FAM219A: variants seen among roughly 807,000 people sequenced by gnomAD.
FAM219A encodes protein FAM219A.
FAM219A carries 7 observed loss-of-function variants against 23.4 expected under a neutral mutation model. The ratio of observed to expected loss-of-function variants is 0.30; its 90% CI spans 0.17 to 0.56. The LOEUF is 0.56. Ranked by LOEUF, FAM219A falls within the 20% of genes least tolerant of loss-of-function variation. The pLI, the probability that FAM219A is intolerant of heterozygous loss-of-function variation, is 0.92. For missense variants in FAM219A, 166 were observed against 246.9 expected (o/e 0.67, Z 2.20); for synonymous variants, 93 against 99.0 (o/e 0.94, Z 0.36).
At chr9:34,401,149 GC>G in intron 5 of FAM219A, 27 bp from the exon 6 acceptor site, 1 of 1,609,354 alleles carries the variant, frequency 6.2e-7, no homozygotes, top group Non-Finnish European at 8.5e-7. Context: ...GGGAGGTCAG[GC>G]CCGAGCGGCA....
intron 1 of FAM219A, among the ~76,000 whole-genome samples, chr9:34,448,376 C>T (rs77182124): frequency 1.2e-4 from 18 of 152,318 alleles, no homozygotes; most frequent in African/African-American, 4.1e-4. Context: ...CATGGAAAAT[C>T]AACCAAACCA....
chr9:34,445,192 C>A (rs2132009552), intron 1 of FAM219A, among the ~76,000 whole-genome samples: 1 of 152,234 alleles, frequency 6.6e-6, no homozygotes, highest in South Asian at 2.1e-4. Context: ...TCTTACTCAT[C>A]TTTAAAGGAG....
In FAM219A at chr9:34,417,065, C is replaced by A. The variant is rs1329661422; in HGVS notation, c.61-11101G>T. On this transcript the variant is annotated intron_variant, in intron 1 of 5. Transcript: ENST00000651358. This position sits in a 1 kb window ranked among gnomAD's most constrained non-coding sequence, Gnocchi z 4.1. ...TCTTCCCCTTCCCTTTCCCCTTCCC[C>A]TTCTCCTTCTTCTTCTTTTTGGAGT... Among the ~76,000 whole-genome samples the A allele has an allele frequency of 1.4e-5, 2 of 147,598 alleles. No homozygotes were observed. Among genetic ancestry groups the A allele is most frequent in the African/African-American group, 4.9e-5 (2 of 40,976 alleles).
chr9:34,437,977 G>T (rs921657906), intron 1 of FAM219A, among the ~76,000 whole-genome samples: 2 of 152,236 alleles, frequency 1.3e-5, no homozygotes, highest in Non-Finnish European at 2.9e-5. Context: ...GGGCCACCTG[G>T]AGTTCCGAGT....
chr9:34,402,866 A>G, intron 2 of FAM219A, 59 bp from the exon 3 acceptor site: 1 of 1,523,842 alleles, frequency 6.6e-7, no homozygotes. Context: ...CTGTCTTACT[A>G]CTCAGGGCAG....
chr9:34,433,256 A>C (rs1822780911), intron 1 of FAM219A, among the ~76,000 whole-genome samples: 2 of 152,214 alleles, frequency 1.3e-5, no homozygotes, highest in South Asian at 4.1e-4. Flanking sequence ...GAACACTTTC[A>C]GGTTGGCTCC....
intron 2 of FAM219A, among the ~76,000 whole-genome samples, chr9:34,404,542 T>C (rs900460495): frequency 1.3e-5 from 2 of 152,130 alleles, no homozygotes; most frequent in Non-Finnish European, 2.9e-5. Context: ...AGCCTATCTT[T>C]ACTAAAAATA....
intron 1 of FAM219A, among the ~76,000 whole-genome samples, chr9:34,450,001 G>C: frequency 6.6e-6 from 1 of 152,152 alleles, no homozygotes; most frequent in East Asian, 1.9e-4. Context: ...CCTTCATAAG[G>C]ATAAAATGGG....
In FAM219A at chr9:34,400,899, C is replaced by T. The variant is rs1301028376; in HGVS notation, c.*65G>A. 14 of 1,432,262 alleles carry T rather than the reference C, an allele frequency of 9.8e-6. No individual in the cohort carries two copies. In the East Asian group the frequency reaches 1.1e-4, roughly 11 times the overall value. The allele number at this position is 1,432,262 out of a possible 1,614,324, so 88.7% of individuals were successfully genotyped here. On this transcript the variant is annotated 3_prime_UTR_variant, in exon 6 of 6. Transcript: ENST00000651358. ...GCAGGCAGACGAGCTGGGAAGGGGT[C>T]GGCCTCTGCCCGTCCTACCCGGCCC...
chr9:34,425,230 A>T (rs72735204), intron 1 of FAM219A, among the ~76,000 whole-genome samples: 24,824 of 152,128 alleles, frequency 0.16, 2,160 homozygotes, highest in African/African-American at 0.22. Context: ...CCTGTAATCC[A>T]GCACTTTGGG....
chr9:34,399,672 G>A lies in FAM219A; in HGVS notation c.*1292C>T, dbSNP rs1398082178. 6.6e-6 allele frequency: 1 copy of A among 152,112 alleles called. No individual in the cohort carries two copies. 9.4% of individuals were successfully genotyped at this position (152,112 alleles called of 1,614,324 possible). A position where few individuals can be genotyped will look rare whatever the true frequency, so the allele number is the denominator to read the frequency against. On this transcript the variant is annotated 3_prime_UTR_variant, in exon 6 of 6. Coordinates refer to ENST00000651358, the MANE Select transcript of FAM219A (RefSeq NM_001184940.2). ...AAATTTCTATGAAGAAACTCTTTCA[G>A]GTATAAAAGGATCTTCAACATAATT... is the stretch of plus-strand genomic sequence containing the variant.
chr9:34,436,564 A>C (rs1022888456), intron 1 of FAM219A, among the ~76,000 whole-genome samples: 12 of 152,224 alleles, frequency 7.9e-5, no homozygotes, highest in African/African-American at 2.9e-4. Flanking sequence ...TTTCTTATTA[A>C]AGAAAGTCTT....
chr9:34,457,646 C>T lies in FAM219A; in HGVS notation c.60+558G>A, dbSNP rs1237642169. On this transcript the variant is annotated intron_variant, in intron 1 of 5. Transcript: ENST00000651358. This position sits in a 1 kb window ranked among gnomAD's most constrained non-coding sequence, Gnocchi z 5.1. ...AGCCTGGTCTGCCTGCGCTCCCCACCGGAGAACGGAATTCCCAGGTTCTGC... is the reference window on the plus strand; with the variant it reads ...AGCCTGGTCTGCCTGCGCTCCCCACTGGAGAACGGAATTCCCAGGTTCTGC... Among the ~76,000 whole-genome samples the T allele has an allele frequency of 3.3e-5, 5 of 152,296 alleles. No homozygotes were observed. The highest frequency in any genetic ancestry group is 1.2e-4 in the African/African-American group (5 of 41,582).
chr9:34,398,498 G>A lies in FAM219A; in HGVS notation c.*2466C>T, dbSNP rs1486881895. ...ACACCCCTCCCTAGACACAGAAGCT[G>A]CCACTGCCAGCTTCCTGCCTCTCTC... On this transcript the variant is annotated 3_prime_UTR_variant, in exon 6 of 6. Coordinates refer to ENST00000651358, the MANE Select transcript of FAM219A (RefSeq NM_001184940.2). 3.3e-6 allele frequency: 3 copies of A among 903,618 alleles called. No individual in the cohort carries two copies. In the East Asian group the frequency reaches 7.9e-5, roughly 24 times the overall value. The allele number at this position is 903,618 out of a possible 1,614,324, so 56.0% of individuals were successfully genotyped here.
Position 34,458,410 on chromosome 9 carries a change from G to C in FAM219A, c.-147C>G. On this transcript the variant is annotated 5_prime_UTR_variant, in exon 1 of 6. Transcript: ENST00000651358. The surrounding 1 kb of genome is among the most constrained non-coding windows in gnomAD (Gnocchi z 6.6). The stretch of plus-strand genomic sequence containing the variant: ...GCGGGCAGGGGCCGGGCGGATGCAG[G>C]GGTGGGCGGGGGCGAGAGGTTCGCA... 1 of 418,350 alleles carries C rather than the reference G, an allele frequency of 2.4e-6. No individual in the cohort carries two copies. The highest frequency in any genetic ancestry group is 3.8e-6 in the Non-Finnish European group (1 of 262,206). The allele number at this position is 418,350 out of a possible 1,614,324, so 25.9% of individuals were successfully genotyped here. A position where few individuals can be genotyped will look rare whatever the true frequency, so the allele number is the denominator to read the frequency against.
At chr9:34,450,386 T>C (rs904137626) in intron 1 of FAM219A, among the ~76,000 whole-genome samples, 1 of 152,036 alleles carries the variant, frequency 6.6e-6, no homozygotes, top group South Asian at 2.1e-4. Flanking sequence ...ATATATGTGG[T>C]TCTCACTCCA....
chr9:34,436,331 C>T (rs979403912), intron 1 of FAM219A, among the ~76,000 whole-genome samples: 1 of 151,914 alleles, frequency 6.6e-6, no homozygotes, highest in African/African-American at 2.4e-5. Flanking sequence ...GCAGCCTTGA[C>T]CTCCTGGGTT....
intron 1 of FAM219A, among the ~76,000 whole-genome samples, chr9:34,426,762 G>A (rs574990343): frequency 3.3e-5 from 5 of 152,338 alleles, no homozygotes; most frequent in African/African-American, 9.6e-5. Context: ...AAAATAGAGA[G>A]AGGATTGCAG....
rs1328727377 is a variant in FAM219A at position 34,457,334 on chromosome 9, C to T, written c.60+870G>A. 6.6e-6 allele frequency: 1 copy of T among 152,512 alleles called. No individual in the cohort carries two copies. Among genetic ancestry groups the T allele is most frequent in the Non-Finnish European group, 1.5e-5 (1 of 68,186 alleles). The allele number at this position is 152,512 out of a possible 1,614,324, so 9.4% of individuals were successfully genotyped here. ...CCAGCAAGCATGGTCTCCCTTAGGC[C>T]TAGCCTCGGTGCACCCGAGTTGCCC... On this transcript the variant is annotated intron_variant, in intron 1 of 5. Transcript: ENST00000651358. The surrounding 1 kb of genome is among the most constrained non-coding windows in gnomAD (Gnocchi z 5.1).
Sources: allele counts gnomAD v4.1 joint callset (sites outside exome capture counted in the v4.1 genomes callset), GRCh38; gene constraint gnomAD v4.1.1; non-coding constraint Gnocchi (gnomAD v3.1); transcripts MANE v1.5; gene names NCBI Gene and HGNC (gene_info 2026-07-23, HGNC 2026-07-21).